The following TNFRSF21 variants were observed in gnomAD, a reference collection of about 807,000 sequenced individuals.
TNFRSF21 encodes tumor necrosis factor receptor superfamily member 21.
A neutral mutation model predicts 45.6 loss-of-function variants in TNFRSF21; 19 were observed. The ratio of observed to expected loss-of-function variants is 0.42; its 90% CI spans 0.29 to 0.61. The LOEUF (loss-of-function observed/expected upper bound fraction) is 0.61, where lower values mean the gene tolerates loss of function less well. Ranked by LOEUF, TNFRSF21 falls within the 20% of genes least tolerant of loss-of-function variation. TNFRSF21 has a pLI of 0.23. For synonymous variants in TNFRSF21, 314 were observed against 335.5 expected, an observed-to-expected ratio of 0.94 and a Z score of 0.70; for missense variants, 737 against 851.5, an observed-to-expected ratio of 0.87 and a Z score of 1.67.
chr6:47,306,416 G>T (rs960519821), intron 1 of TNFRSF21, among the ~76,000 whole-genome samples: 1 of 152,212 alleles, frequency 6.6e-6, no homozygotes, highest in Non-Finnish European at 1.5e-5. Flanking sequence ...TGAAGAGCCA[G>T]GCAGTCCTGG....
At chr6:47,280,300 T>C (rs995550177) in intron 3 of TNFRSF21, among the ~76,000 whole-genome samples, 1 of 152,110 alleles carries the variant, frequency 6.6e-6, no homozygotes, top group Non-Finnish European at 1.5e-5. Flanking sequence ...CAGGAAAAGA[T>C]CTTATTATAC....
intron 2 of TNFRSF21, among the ~76,000 whole-genome samples, chr6:47,285,701 T>C (rs1298605104): frequency 6.6e-6 from 1 of 152,212 alleles, no homozygotes; most frequent in African/African-American, 2.4e-5. Context: ...GTTCATATTT[T>C]ATAGCTTGAT....
chr6:47,248,484 G>A (rs1416294683), intron 4 of TNFRSF21, among the ~76,000 whole-genome samples: 1 of 151,952 alleles, frequency 6.6e-6, no homozygotes, highest in Non-Finnish European at 1.5e-5. Flanking sequence ...AATAAAAGGG[G>A]GGAGTGAAAA....
rs1002187702 is a variant in TNFRSF21 at position 47,299,706 on chromosome 6, T to C, written c.96+9710A>G. ...AATGTTTGATATCCCTAGGAGCTAT[T>C]GAAATTCAAATTTGCACCCAAGGAC... On this transcript the variant is annotated intron_variant, in intron 1 of 5. Coordinates refer to ENST00000296861, the MANE Select transcript of TNFRSF21 (RefSeq NM_014452.5). Among the ~76,000 whole-genome samples the C allele has an allele frequency of 5.9e-5, 9 of 152,312 alleles. No homozygotes were observed. In the South Asian group the frequency reaches 1.9e-3, roughly 32 times the overall value.
At chr6:47,252,376 G>A (rs912263623) in intron 4 of TNFRSF21, among the ~76,000 whole-genome samples, 2 of 152,126 alleles carry the variant, frequency 1.3e-5, no homozygotes, top group African/African-American at 4.8e-5. Context: ...TCTGAAACCT[G>A]AATTGAAGTC....
At chr6:47,244,050 G>A (rs963539442) in intron 4 of TNFRSF21, among the ~76,000 whole-genome samples, 14 of 152,144 alleles carry the variant, frequency 9.2e-5, no homozygotes, top group East Asian at 5.8e-4. Context: ...GGCTGGGCGC[G>A]GTGGCTCACA....
At chr6:47,267,537 C>T (rs183205139) in intron 3 of TNFRSF21, among the ~76,000 whole-genome samples, 42 of 152,268 alleles carry the variant, frequency 2.8e-4, no homozygotes, top group Non-Finnish European at 4.7e-4. Flanking sequence ...TGACCCTAGA[C>T]GGATTTCTAC....
At chr6:47,266,657 T>G (rs2113855911) in intron 3 of TNFRSF21, among the ~76,000 whole-genome samples, 1 of 152,352 alleles carries the variant, frequency 6.6e-6, no homozygotes, top group East Asian at 1.9e-4. Flanking sequence ...CCAGCTGGTC[T>G]GTACTTTAAC....
At chr6:47,234,629 G>C (rs748036631) in intron 5 of TNFRSF21, 41 bp downstream of exon 5, 30 of 1,506,610 alleles carry the variant, frequency 2.0e-5, no homozygotes, top group Non-Finnish European at 2.7e-5. Context: ...GCTCTTTGGG[G>C]GGTTTAAGTG....
chr6:47,283,813 T>C, intron 3 of TNFRSF21, 125 bp downstream of exon 3: 1 of 1,216,234 alleles, frequency 8.2e-7, no homozygotes, highest in South Asian at 1.5e-5. Context: ...CACGACTAGA[T>C]CAAGTAGTGT....
At chr6:47,254,831 C>A (rs1764957421) in intron 3 of TNFRSF21, among the ~76,000 whole-genome samples, 1 of 152,154 alleles carries the variant, frequency 6.6e-6, no homozygotes, top group Non-Finnish European at 1.5e-5. Context: ...TATGTTAAGG[C>A]ATTAGCTCAC....
chr6:47,241,593 G>C (rs1241128467), intron 4 of TNFRSF21, among the ~76,000 whole-genome samples: 1 of 152,016 alleles, frequency 6.6e-6, no homozygotes, highest in Non-Finnish European at 1.5e-5. Flanking sequence ...CTTCGAAATG[G>C]GAATATGGAC....
chr6:47,294,249 T>C (rs1028014717), intron 1 of TNFRSF21, among the ~76,000 whole-genome samples: 2 of 152,172 alleles, frequency 1.3e-5, no homozygotes, highest in Non-Finnish European at 2.9e-5. Context: ...GTTCAAGCAA[T>C]TCCCCTGCCT....
At chr6:47,273,363 T>G (rs898697096) in intron 3 of TNFRSF21, among the ~76,000 whole-genome samples, 1 of 152,146 alleles carries the variant, frequency 6.6e-6, no homozygotes, top group Admixed American at 6.6e-5. Flanking sequence ...GTTCAACATA[T>G]GCAAATCAAT....
At position 47,232,845 on chromosome 6, in the gene TNFRSF21, C is replaced by T. The variant is rs769216892; in HGVS notation, c.1888G>A (p.Glu630Lys). ...TCCTGGCTCTTGACTCCAATAATTTCGAATAGCCGGTCTAGTTTGTCCTCA... is the reference window on the plus strand; with the variant it reads ...TCCTGGCTCTTGACTCCAATAATTTTGAATAGCCGGTCTAGTTTGTCCTCA... ...QAEDKLDRLFEIIGVKSQEAS... is the reference protein window; with the variant it reads ...QAEDKLDRLFKIIGVKSQEAS... The change falls in exon 6 of 6, where the codon GAA becomes AAA. Residue 630 changes from glutamate (E) to lysine (K), a missense_variant. Coordinates refer to ENST00000296861, the MANE Select transcript of TNFRSF21 (RefSeq NM_014452.5). The T allele has an allele frequency of 3.7e-6, 6 of 1,614,032 alleles. No homozygotes were observed. In the African/African-American group the frequency reaches 4.0e-5, roughly 11 times the overall value.
chr6:47,273,208 C>CA (rs1227036833), intron 3 of TNFRSF21, among the ~76,000 whole-genome samples: 4 of 151,946 alleles, frequency 2.6e-5, no homozygotes, highest in Non-Finnish European at 5.9e-5. Context: ...AGAGACACAA[C>CA]AAAAAAAGAG....
At chr6:47,253,168 A>C in intron 4 of TNFRSF21, 88 bp downstream of exon 4, 4 of 1,478,418 alleles carry the variant, frequency 2.7e-6, no homozygotes, top group Non-Finnish European at 2.7e-6. Context: ...CGAATATGTT[A>C]TTTTTCTTTG....
At chr6:47,283,805 C>T (rs561327643) in intron 3 of TNFRSF21, 133 bp downstream of exon 3, 20 of 1,134,960 alleles carry the variant, frequency 1.8e-5, no homozygotes, top group African/African-American at 1.1e-4. Context: ...TTCTATAACA[C>T]GACTAGATCA....
At chr6:47,283,896 G>A (rs1355364751) in intron 3 of TNFRSF21, 42 bp downstream of exon 3, 4 of 1,579,908 alleles carry the variant, frequency 2.5e-6, no homozygotes, top group Non-Finnish European at 3.4e-6. Context: ...GGAAAAAGTG[G>A]TAGAGAGATC....
Sources: gnomAD v4.1 joint callset for allele counts (sites outside exome capture counted in the v4.1 genomes callset) on GRCh38, gnomAD v4.1.1 for gene constraint, MANE v1.5 for transcripts, NCBI Gene and HGNC (gene_info 2026-07-23, HGNC 2026-07-21) for gene names.